Variants in SVOP observed in about 807,000 individuals in gnomAD.
SVOP encodes SV2 related protein, also known as synaptic vesicle 2-related protein.
In SVOP, 17 loss-of-function variants were observed where a neutral mutation model predicts 69.1. The observed-to-expected ratio is 0.25, with a 90% CI of 0.17 to 0.37. The LOEUF is 0.37. Among genes scored for constraint, SVOP ranks in the 10% least tolerant of loss-of-function variants. The probability of loss-of-function intolerance (pLI) is 1.00; values close to 1 mark genes in which losing one functional copy is unlikely to be tolerated. For missense variants in SVOP, 435 were observed against 597.5 expected, an observed-to-expected ratio of 0.73 and a Z score of 2.84; for synonymous variants, 238 against 238.6, an observed-to-expected ratio of 1.00 and a Z score of 0.02.
At chr12:108,985,205 C>A (rs919169296) in intron 1 of SVOP, among the ~76,000 whole-genome samples, 3 of 147,698 alleles carry the variant, frequency 2.0e-5, no homozygotes, top group South Asian at 2.1e-4. Flanking sequence ...CCAGCCTGAG[C>A]AACAGAGAGA....
At chr12:108,986,402 C>A (rs1190887858) in intron 1 of SVOP, among the ~76,000 whole-genome samples, 1 of 152,074 alleles carries the variant, frequency 6.6e-6, no homozygotes, top group Non-Finnish European at 1.5e-5. Context: ...CCCATTTACT[C>A]TATTTTTTAA....
At chr12:109,012,844 A>G (rs2040349651) in intron 1 of SVOP, among the ~76,000 whole-genome samples, 1 of 152,160 alleles carries the variant, frequency 6.6e-6, no homozygotes, top group African/African-American at 2.4e-5. Context: ...TGAAAGAATC[A>G]GCTGAGCCCA....
chr12:108,958,639 T>A (rs903164105), intron 6 of SVOP, among the ~76,000 whole-genome samples: 1 of 152,214 alleles, frequency 6.6e-6, no homozygotes, highest in African/African-American at 2.4e-5. Context: ...GATGCTGTGA[T>A]GTGCTACTTG....
intron 4 of SVOP, among the ~76,000 whole-genome samples, chr12:108,975,191 GGA>G (rs1331668057): frequency 6.6e-6 from 1 of 152,158 alleles, no homozygotes; most frequent in Admixed American, 6.5e-5. Context: ...TTCCCCAAAA[GGA>G]GAGATTCTGG....
Position 109,020,930 on chromosome 12 carries a change from G to A in SVOP, c.-62C>T. The A allele has an allele frequency of 1.4e-6, 1 of 701,696 alleles. No individual in the cohort carries two copies. Among genetic ancestry groups the A allele is most frequent in the South Asian group, 1.5e-5 (1 of 65,616 alleles). 43.5% of individuals were successfully genotyped at this position (701,696 alleles called of 1,614,324 possible). A position where few individuals can be genotyped will look rare whatever the true frequency, so the allele number is the denominator to read the frequency against. On this transcript the variant is annotated 5_prime_UTR_variant, in exon 1 of 16. Transcript: ENST00000610966. ...CTTACATGGTAGTGGTGGATGACGA[G>A]CCCTCCGGTTTTCAGCACCGGGAAG... is the stretch of plus-strand genomic sequence containing the variant.
chr12:108,932,176 C>CA (rs1345132167), intron 11 of SVOP, among the ~76,000 whole-genome samples: 3 of 151,992 alleles, frequency 2.0e-5, no homozygotes, highest in Non-Finnish European at 4.4e-5. Flanking sequence ...CCACCATGCC[C>CA]AGCTAATTTT....
intron 5 of SVOP, among the ~76,000 whole-genome samples, chr12:108,961,418 C>T (rs1404177258): frequency 2.9e-5 from 4 of 136,358 alleles, no homozygotes; most frequent in Non-Finnish European, 4.7e-5. Context: ...CTGTTTCACA[C>T]ATTCAAGACT....
In SVOP at chr12:108,983,145, T is replaced by A. The variant is rs1246302930; in HGVS notation, c.196+456A>T. ...ATAATCATCACTATCACCACCATCA[T>A]CATCACCATTGTCATCACCATCATC... On this transcript the variant is annotated intron_variant, in intron 2 of 15. Transcript: ENST00000610966. 7.9e-5 allele frequency among the ~76,000 whole-genome samples: 12 copies of A among 151,612 alleles called. 1 individual carries two copies. Among genetic ancestry groups the A allele is most frequent in the African/African-American group, 1.7e-4 (7 of 41,172 alleles).
intron 11 of SVOP, among the ~76,000 whole-genome samples, chr12:108,932,802 A>G (rs999991291): frequency 2.6e-5 from 4 of 152,174 alleles, no homozygotes; most frequent in African/African-American, 7.2e-5. Flanking sequence ...CCAAATTCCA[A>G]CTTGACTCTA....
At chr12:108,944,535 G>C (rs1005935314) in intron 7 of SVOP, among the ~76,000 whole-genome samples, 2 of 152,190 alleles carry the variant, frequency 1.3e-5, no homozygotes, top group Non-Finnish European at 2.9e-5. Flanking sequence ...TTCTGCCACT[G>C]TGTGGAGGGG....
intron 6 of SVOP, among the ~76,000 whole-genome samples, chr12:108,959,114 T>C (rs542792336): frequency 2.4e-4 from 36 of 152,112 alleles, no homozygotes; most frequent in Non-Finnish European, 2.2e-4. Flanking sequence ...TCAAGAAATA[T>C]TGGTGGAATA....
At chr12:108,989,329 C>T (rs536073906) in intron 1 of SVOP, among the ~76,000 whole-genome samples, 1 of 152,288 alleles carries the variant, frequency 6.6e-6, no homozygotes, top group Non-Finnish European at 1.5e-5. Flanking sequence ...CCCGCCTTGG[C>T]CTCCCGAAGT....
intron 1 of SVOP, among the ~76,000 whole-genome samples, chr12:108,995,596 A>G (rs537055034): frequency 6.6e-6 from 1 of 152,298 alleles, no homozygotes; most frequent in South Asian, 2.1e-4. Context: ...AACATTGTGA[A>G]TGTACTTAAT....
At chr12:108,922,291 A>G (rs2039753421) in intron 12 of SVOP, among the ~76,000 whole-genome samples, 1 of 152,216 alleles carries the variant, frequency 6.6e-6, no homozygotes, top group Non-Finnish European at 1.5e-5. Context: ...GGGTTCCCTA[A>G]GCTTGGGGTT....
At chr12:108,998,961 A>C (rs1478544445) in intron 1 of SVOP, among the ~76,000 whole-genome samples, 5 of 149,842 alleles carry the variant, frequency 3.3e-5, no homozygotes, top group East Asian at 2.0e-4. Flanking sequence ...ACACATAACA[A>C]TATTAACTTT....
At chr12:108,955,512 A>G (rs1175369407) in intron 6 of SVOP, among the ~76,000 whole-genome samples, 1 of 152,172 alleles carries the variant, frequency 6.6e-6, no homozygotes, top group Non-Finnish European at 1.5e-5. Flanking sequence ...TGCCTACTCT[A>G]CAGAGCCCTG....
intron 8 of SVOP, among the ~76,000 whole-genome samples, chr12:108,940,480 C>G (rs190770639): frequency 1.4e-4 from 21 of 152,290 alleles, no homozygotes; most frequent in Admixed American, 1.2e-3. Context: ...TCATTTGAAA[C>G]TTAAGAGTCT....
intron 6 of SVOP, among the ~76,000 whole-genome samples, chr12:108,955,136 G>A (rs1257870517): frequency 6.6e-6 from 1 of 152,216 alleles, no homozygotes; most frequent in Non-Finnish European, 1.5e-5. Context: ...AAGAATTTCT[G>A]TGGACATTCT....
chr12:108,924,893 G>T (rs1426152800), intron 11 of SVOP, among the ~76,000 whole-genome samples: 1 of 152,130 alleles, frequency 6.6e-6, no homozygotes, highest in Non-Finnish European at 1.5e-5. Context: ...GAGAACTGAG[G>T]ACTCAACTCT....
Sources: allele counts gnomAD v4.1 joint callset (sites outside exome capture counted in the v4.1 genomes callset), GRCh38; gene constraint gnomAD v4.1.1; transcripts MANE v1.5; gene names NCBI Gene and HGNC (gene_info 2026-07-23, HGNC 2026-07-21).